The following APOLD1 variants were observed in gnomAD, a reference collection of about 807,000 sequenced individuals.
APOLD1 encodes apolipoprotein L domain-containing protein 1.
APOLD1 carries 22 observed loss-of-function variants against 15.3 expected under a neutral mutation model. That is an observed-to-expected ratio of 1.44 (90% CI 1.03 to 2.05). The LOEUF is 2.05. Among genes scored for constraint, APOLD1 ranks in the 30% most tolerant of loss-of-function variants. APOLD1 has a pLI of 0.00. For missense variants in APOLD1, 394 were observed against 353.5 expected (o/e 1.11, Z -0.92); for synonymous variants, 190 against 167.4 (o/e 1.13, Z -1.04).
At chr12:12,766,281 T>A (rs1946942021) in intron 1 of APOLD1, among the ~76,000 whole-genome samples, 1 of 152,148 alleles carries the variant, frequency 6.6e-6, no homozygotes, top group Non-Finnish European at 1.5e-5. Context: ...GGTTTGGATG[T>A]CTACCTTTAG....
intron 1 of APOLD1, among the ~76,000 whole-genome samples, chr12:12,745,778 G>A (rs73281169): frequency 0.021 from 3,184 of 152,204 alleles, 126 homozygotes; most frequent in African/African-American, 0.072. Context: ...CAGGTGGGAA[G>A]GGGGAGGAAA....
rs1006256408 is a variant in APOLD1 at position 12,788,882 on chromosome 12, G to A, written c.*1230G>A. ...ACCAAGGACAGACTGTGTCCCAGAA[G>A]CCAAAATGAGAGAGAGAGAGAGAGA... is the stretch of plus-strand genomic sequence containing the variant. On this transcript the variant is annotated 3_prime_UTR_variant, in exon 2 of 2. Coordinates refer to ENST00000356591, the MANE Select transcript of APOLD1 (RefSeq NM_030817.3). 5.8e-5 allele frequency: 5 copies of A among 86,898 alleles called. No individual in the cohort carries two copies. The allele number at this position is 86,898 out of a possible 1,614,324, so 5.4% of individuals were successfully genotyped here. A position where few individuals can be genotyped will look rare whatever the true frequency, so the allele number is the denominator to read the frequency against.
At chr12:12,742,444 A>T (rs189191829) in intron 1 of APOLD1, among the ~76,000 whole-genome samples, 20 of 152,284 alleles carry the variant, frequency 1.3e-4, no homozygotes, top group Admixed American at 1.1e-3. Context: ...GGCATTTCTC[A>T]AAGGCCACCT....
intron 1 of APOLD1, among the ~76,000 whole-genome samples, chr12:12,733,764 A>G (rs1946661693): frequency 6.6e-6 from 1 of 152,108 alleles, no homozygotes; most frequent in African/African-American, 2.4e-5. Context: ...CACCACACCC[A>G]GCTAATTTTT....
intron 1 of APOLD1, among the ~76,000 whole-genome samples, chr12:12,742,973 A>G (rs1178224075): frequency 6.6e-6 from 1 of 152,238 alleles, no homozygotes; most frequent in East Asian, 1.9e-4. Flanking sequence ...CCTGGTCTCA[A>G]ACTCTTGGGC....
At chr12:12,755,173 G>C (rs868040874) in intron 1 of APOLD1, among the ~76,000 whole-genome samples, 2 of 152,296 alleles carry the variant, frequency 1.3e-5, no homozygotes, top group African/African-American at 4.8e-5. Context: ...AACTTTATTT[G>C]TATAAAATCA....
At chr12:12,750,380 A>AAAAG (rs1388461656) in intron 1 of APOLD1, among the ~76,000 whole-genome samples, 3 of 151,120 alleles carry the variant, frequency 2.0e-5, no homozygotes, top group Non-Finnish European at 3.0e-5. Context: ...CTCAAAAAAA[A>AAAAG]AAAAAAAAAA....
At chr12:12,773,702 G>T (rs1054149730) in intron 1 of APOLD1, among the ~76,000 whole-genome samples, 2 of 152,144 alleles carry the variant, frequency 1.3e-5, no homozygotes, top group Admixed American at 6.5e-5. Flanking sequence ...TTCCTATAAA[G>T]CTACAATAAT....
At chr12:12,731,164 C>A (rs1359895373) in intron 1 of APOLD1, among the ~76,000 whole-genome samples, 1 of 151,550 alleles carries the variant, frequency 6.6e-6, no homozygotes, top group Non-Finnish European at 1.5e-5. Flanking sequence ...AACAAACAAA[C>A]AAAAAATCAA....
intron 1 of APOLD1, among the ~76,000 whole-genome samples, chr12:12,737,283 C>A (rs1178655566): frequency 6.6e-6 from 1 of 151,638 alleles, no homozygotes; most frequent in Admixed American, 6.6e-5. Flanking sequence ...AGTGGGGTAA[C>A]AACCTAGAGT....
chr12:12,736,261 G>C (rs1266208858), intron 1 of APOLD1, among the ~76,000 whole-genome samples: 1 of 152,160 alleles, frequency 6.6e-6, no homozygotes, highest in African/African-American at 2.4e-5. Context: ...TGAGGCAGGA[G>C]AACTGCTTGA....
chr12:12,770,159 C>T (rs1592304555), intron 1 of APOLD1, among the ~76,000 whole-genome samples: 1 of 152,192 alleles, frequency 6.6e-6, no homozygotes, highest in East Asian at 1.9e-4. Context: ...TCTGTAATCC[C>T]AGCACTTTGG....
intron 1 of APOLD1, among the ~76,000 whole-genome samples, chr12:12,743,214 G>A (rs1946741172): frequency 6.6e-6 from 1 of 152,174 alleles, no homozygotes; most frequent in Admixed American, 6.5e-5. Context: ...TCATTAAAAG[G>A]TCATTTTATT....
intron 1 of APOLD1, among the ~76,000 whole-genome samples, chr12:12,758,598 A>G (rs987104921): frequency 2.6e-5 from 4 of 152,218 alleles, no homozygotes; most frequent in Non-Finnish European, 5.9e-5. Flanking sequence ...GGACAGAGCC[A>G]GCATTTTTCC....
At chr12:12,756,760 A>G (rs766790978) in intron 1 of APOLD1, among the ~76,000 whole-genome samples, 2 of 152,082 alleles carry the variant, frequency 1.3e-5, no homozygotes, top group African/African-American at 2.4e-5. Flanking sequence ...AAGTGGAACC[A>G]TATAATATTT....
At chr12:12,769,445 G>A (rs1370709523) in intron 1 of APOLD1, among the ~76,000 whole-genome samples, 2 of 152,132 alleles carry the variant, frequency 1.3e-5, no homozygotes, top group Admixed American at 6.6e-5. Flanking sequence ...AACCTGAACT[G>A]TAATTGACAA....
intron 1 of APOLD1, among the ~76,000 whole-genome samples, chr12:12,743,928 A>C (rs1427451525): frequency 6.6e-6 from 1 of 152,222 alleles, no homozygotes; most frequent in African/African-American, 2.4e-5. Context: ...ATTCTCCCCC[A>C]GAGCCTCCAG....
chr12:12,739,683 G>A (rs1355190402), intron 1 of APOLD1, among the ~76,000 whole-genome samples: 2 of 152,024 alleles, frequency 1.3e-5, no homozygotes, highest in Admixed American at 6.6e-5. Context: ...AGGTTGGGCA[G>A]GTAATTTTAT....
intron 1 of APOLD1, among the ~76,000 whole-genome samples, chr12:12,736,050 C>G (rs1288297518): frequency 6.6e-6 from 1 of 152,004 alleles, no homozygotes; most frequent in Non-Finnish European, 1.5e-5. Context: ...AAAACCCCAT[C>G]TCTACTAAAA....
Sources: allele counts gnomAD v4.1 joint callset (sites outside exome capture counted in the v4.1 genomes callset), GRCh38; gene constraint gnomAD v4.1.1; transcripts MANE v1.5; gene names NCBI Gene and HGNC (gene_info 2026-07-23, HGNC 2026-07-21).